Variants in BRINP3 observed in about 807,000 individuals in gnomAD.
BRINP3 encodes BMP/retinoic acid-inducible neural-specific protein 3.
A neutral mutation model predicts 71.0 loss-of-function variants in BRINP3; 19 were observed. The ratio of observed to expected loss-of-function variants is 0.27; its 90% CI spans 0.19 to 0.39. BRINP3 has a LOEUF of 0.39. Among genes scored for constraint, BRINP3 ranks in the 10% least tolerant of loss-of-function variants. The pLI, the probability that BRINP3 is intolerant of heterozygous loss-of-function variation, is 1.00. For synonymous variants in BRINP3, 380 were observed against 337.7 expected (o/e 1.13, Z -1.37); for missense variants, 959 against 940.8 (o/e 1.02, Z -0.25).
chr1:190,294,897 T>C (rs1046980939), intron 2 of BRINP3, among the ~76,000 whole-genome samples: 2 of 151,820 alleles, frequency 1.3e-5, no homozygotes, highest in Non-Finnish European at 2.9e-5. Flanking sequence ...CCCTCCAACC[T>C]GAACATGGAA....
intron 2 of BRINP3, among the ~76,000 whole-genome samples, chr1:190,367,686 T>C (rs768867360): frequency 5.9e-5 from 9 of 152,166 alleles, no homozygotes; most frequent in Non-Finnish European, 1.3e-4. Flanking sequence ...CCAAATACCC[T>C]AAATCATTTC....
intron 3 of BRINP3, among the ~76,000 whole-genome samples, chr1:190,280,773 A>G (rs1000548518): frequency 2.0e-5 from 3 of 151,956 alleles, no homozygotes; most frequent in African/African-American, 4.8e-5. Context: ...ATTATAAGAA[A>G]AAGTAACATC....
chr1:190,375,789 C>A (rs1490127097), intron 2 of BRINP3, among the ~76,000 whole-genome samples: 1 of 151,866 alleles, frequency 6.6e-6, no homozygotes, highest in Admixed American at 6.6e-5. Flanking sequence ...CAAAAAGGCC[C>A]TCTGATATAT....
intron 6 of BRINP3, among the ~76,000 whole-genome samples, chr1:190,164,122 C>T (rs557876278): frequency 2.0e-5 from 3 of 152,088 alleles, no homozygotes; most frequent in African/African-American, 7.2e-5. Flanking sequence ...AGATACATAC[C>T]CCCGATTGGA....
intron 2 of BRINP3, among the ~76,000 whole-genome samples, chr1:190,396,086 ATCC>A (rs895027695): frequency 6.6e-6 from 1 of 151,930 alleles, no homozygotes; most frequent in African/African-American, 2.4e-5. Flanking sequence ...TAATTATGTC[ATCC>A]TCCTAACAAA....
intron 6 of BRINP3, among the ~76,000 whole-genome samples, chr1:190,204,724 C>T (rs1176075422): frequency 6.6e-6 from 1 of 151,862 alleles, no homozygotes; most frequent in Non-Finnish European, 1.5e-5. Context: ...TATTGTGATA[C>T]TATGAGAGGA....
intron 6 of BRINP3, among the ~76,000 whole-genome samples, chr1:190,186,933 A>T (rs1653579625): frequency 6.6e-6 from 1 of 152,184 alleles, no homozygotes; most frequent in South Asian, 2.1e-4. Context: ...TTAGGTTTGG[A>T]CACTCTGAAA....
rs549721115 is a variant in BRINP3 at position 190,175,779 on chromosome 1, T to C, written c.962-14889A>G. Reference sequence around the variant, plus strand: ...CTATCGTATATCAACATCTGTCACATTTCTTGTGACTTTCAGGAGATGCTA... The same window carrying C: ...CTATCGTATATCAACATCTGTCACACTTCTTGTGACTTTCAGGAGATGCTA... On this transcript the variant is annotated intron_variant, in intron 6 of 7. Transcript: ENST00000367462. Among the ~76,000 whole-genome samples, 18 of 152,302 alleles carry C rather than the reference T, an allele frequency of 1.2e-4. No individual in the cohort carries two copies. In the South Asian group the frequency reaches 3.7e-3, roughly 32 times the overall value.
At chr1:190,414,205 A>G (rs929557724) in intron 2 of BRINP3, among the ~76,000 whole-genome samples, 7 of 152,310 alleles carry the variant, frequency 4.6e-5, no homozygotes, top group African/African-American at 1.7e-4. Flanking sequence ...CCTATGTCTA[A>G]TCATCTAGAC....
intron 4 of BRINP3, among the ~76,000 whole-genome samples, chr1:190,253,242 G>T (rs750482548): frequency 6.6e-6 from 1 of 152,070 alleles, no homozygotes; most frequent in Non-Finnish European, 1.5e-5. Flanking sequence ...AAACACGTGT[G>T]GATGTGTCTT....
At chr1:190,330,042 A>T (rs548157704) in intron 2 of BRINP3, among the ~76,000 whole-genome samples, 1 of 152,174 alleles carries the variant, frequency 6.6e-6, no homozygotes, top group East Asian at 1.9e-4. Flanking sequence ...CTTGAAGAAA[A>T]CTTAGGAAAT....
chr1:190,100,472 T>C (rs966633854), intron 7 of BRINP3, among the ~76,000 whole-genome samples: 4 of 152,188 alleles, frequency 2.6e-5, no homozygotes, highest in Non-Finnish European at 4.4e-5. Flanking sequence ...TGCCAGGAGA[T>C]AACAAGCCTT....
intron 7 of BRINP3, among the ~76,000 whole-genome samples, chr1:190,108,051 T>A (rs1057414785): frequency 6.6e-6 from 1 of 151,868 alleles, no homozygotes; most frequent in African/African-American, 2.4e-5. Flanking sequence ...ATGGAGATAC[T>A]GGAGCTGAAT....
At chr1:190,128,221 T>C (rs1382220516) in intron 7 of BRINP3, among the ~76,000 whole-genome samples, 3 of 151,764 alleles carry the variant, frequency 2.0e-5, no homozygotes, top group African/African-American at 4.8e-5. Flanking sequence ...CTTTATGTGG[T>C]TGTGGTAAGG....
At chr1:190,225,161 T>C (rs1032721437) in intron 6 of BRINP3, among the ~76,000 whole-genome samples, 2 of 152,006 alleles carry the variant, frequency 1.3e-5, no homozygotes, top group African/African-American at 4.8e-5. Flanking sequence ...ATATTGAATA[T>C]ATAGCTGCAC....
intron 2 of BRINP3, among the ~76,000 whole-genome samples, chr1:190,370,642 G>A (rs1398436274): frequency 2.0e-5 from 3 of 152,240 alleles, no homozygotes; most frequent in Non-Finnish European, 4.4e-5. Flanking sequence ...TTTGGCGGCA[G>A]TGGGAGAGGC....
At chr1:190,424,503 T>C (rs1286783050) in intron 2 of BRINP3, among the ~76,000 whole-genome samples, 1 of 151,548 alleles carries the variant, frequency 6.6e-6, no homozygotes. Flanking sequence ...ACTTTAAAGG[T>C]TTATACATTC....
At chr1:190,106,265 CAT>C (rs1012904459) in intron 7 of BRINP3, among the ~76,000 whole-genome samples, 1 of 151,606 alleles carries the variant, frequency 6.6e-6, no homozygotes, top group East Asian at 1.9e-4. Context: ...TATACATACA[CAT>C]ATATATAATG....
intron 7 of BRINP3, among the ~76,000 whole-genome samples, chr1:190,150,161 A>C (rs1227431679): frequency 6.6e-6 from 1 of 152,074 alleles, no homozygotes; most frequent in Non-Finnish European, 1.5e-5. Context: ...GTCTTAATTT[A>C]ATGCTCAAGG....
Sources: allele counts gnomAD v4.1 joint callset (sites outside exome capture counted in the v4.1 genomes callset), GRCh38; gene constraint gnomAD v4.1.1; transcripts MANE v1.5; gene names NCBI Gene and HGNC (gene_info 2026-07-23, HGNC 2026-07-21).